TNR: variants seen among roughly 807,000 people sequenced by gnomAD.
TNR encodes the protein tenascin-R.
In TNR, 45 loss-of-function variants were observed where a neutral mutation model predicts 150.4. That is an observed-to-expected ratio of 0.30 (90% CI 0.24 to 0.38). The LOEUF is 0.38. Ranked by LOEUF, TNR falls within the 10% of genes least tolerant of loss-of-function variation. The pLI is 1.00. For synonymous variants in TNR, 687 were observed against 678.4 expected (o/e 1.01, Z -0.20); for missense variants, 1,544 against 1,759.1 (o/e 0.88, Z 2.19).
At chr1:175,546,926 G>A (rs1004969581) in intron 1 of TNR, among the ~76,000 whole-genome samples, 2 of 152,178 alleles carry the variant, frequency 1.3e-5, no homozygotes, top group Admixed American at 1.3e-4. Context: ...TCCCAGATAA[G>A]GAACTGGAGG....
At chr1:175,604,523 G>T (rs765622007) in intron 1 of TNR, among the ~76,000 whole-genome samples, 10 of 152,186 alleles carry the variant, frequency 6.6e-5, no homozygotes, top group Non-Finnish European at 1.3e-4. Flanking sequence ...ATAAAGAAAA[G>T]CTCACTTCCT....
intron 1 of TNR, among the ~76,000 whole-genome samples, chr1:175,675,360 T>C (rs1257336815): frequency 2.0e-5 from 3 of 152,214 alleles, no homozygotes; most frequent in African/African-American, 7.2e-5. Flanking sequence ...GTGGGCCCCG[T>C]AACCCTTTGT....
Position 175,362,704 on chromosome 1 carries a change from C to A in TNR, c.2813G>T (p.Gly938Val). 2.1e-5 allele frequency: 34 copies of A among 1,614,148 alleles called. No individual in the cohort carries two copies. The highest frequency in any genetic ancestry group is 2.8e-5 in the Non-Finnish European group (33 of 1,180,008). ...ACAGATGCGCTCGCTTTCCTCCCTG[C>A]CCCGCACGCTGTTGAGGCTGATTTC... ...EYEISLNSVRGREESERICTL... is the reference protein window; with the variant it reads ...EYEISLNSVRVREESERICTL... Residue 938 changes from glycine (G) to valine (V), a missense_variant, in exon 14 of 23, where the codon GGC (glycine) becomes GTC (valine). By Grantham distance (109) the Gly-to-Val change is moderately radical. This residue lies in a region of TNR where 1,254 missense variants were observed against 1,329.4 expected (regional missense o/e 0.94). Coordinates refer to ENST00000367674, the MANE Select transcript of TNR (RefSeq NM_003285.3).
In TNR at chr1:175,393,762, G is replaced by A. The variant is rs888276290; in HGVS notation, c.1356+18C>T. 3.2e-6 allele frequency: 5 copies of A among 1,583,184 alleles called. No homozygotes were observed. In the Admixed American group the frequency reaches 6.7e-5, roughly 21 times the overall value. ...ATTCCAAATAAGTCTGTTTGGCAGT[G>A]TAACAGGTGAGTGTTACCTTTGGAA... On this transcript the variant is annotated intron_variant, in intron 6 of 22. Transcript: ENST00000367674.
intron 1 of TNR, among the ~76,000 whole-genome samples, chr1:175,675,569 G>A (rs765159146): frequency 2.4e-4 from 37 of 152,342 alleles, no homozygotes; most frequent in Non-Finnish European, 4.9e-4. Context: ...GCAGAAGCAT[G>A]TAAGGTGTAC....
chr1:175,604,181 G>A (rs1232688127), intron 1 of TNR, among the ~76,000 whole-genome samples: 2 of 152,110 alleles, frequency 1.3e-5, no homozygotes, highest in African/African-American at 4.8e-5. Flanking sequence ...GAGGAGATGG[G>A]CCAAGGCAGG....
At chr1:175,521,742 C>T (rs1038251244) in intron 2 of TNR, among the ~76,000 whole-genome samples, 2 of 152,154 alleles carry the variant, frequency 1.3e-5, no homozygotes, top group African/African-American at 4.8e-5. Context: ...CAAGGCCCAG[C>T]TCAATGATTG....
At chr1:175,687,259 C>G (rs928395358) in intron 1 of TNR, among the ~76,000 whole-genome samples, 6 of 152,182 alleles carry the variant, frequency 3.9e-5, no homozygotes, top group Non-Finnish European at 7.3e-5. Flanking sequence ...TTTCCACTGA[C>G]AAGCACCATC....
intron 9 of TNR, among the ~76,000 whole-genome samples, chr1:175,367,687 T>A (rs1388297917): frequency 6.6e-6 from 1 of 152,144 alleles, no homozygotes; most frequent in East Asian, 1.9e-4. Context: ...AGAGAGACAG[T>A]GTGGACATAG....
intron 2 of TNR, among the ~76,000 whole-genome samples, chr1:175,416,129 T>TACACACACAC (rs3030909): frequency 2.0e-5 from 3 of 151,354 alleles, no homozygotes; most frequent in East Asian, 1.9e-4. Context: ...TATATATATA[T>TACACACACAC]ACACACACAC....
intron 3 of TNR, among the ~76,000 whole-genome samples, chr1:175,405,925 A>G (rs1378708259): frequency 6.6e-6 from 1 of 152,146 alleles, no homozygotes. Flanking sequence ...ATGAACCATT[A>G]CCTGACTCAT....
At chr1:175,524,056 C>T (rs542674968) in intron 2 of TNR, among the ~76,000 whole-genome samples, 1 of 152,096 alleles carries the variant, frequency 6.6e-6, no homozygotes, top group Non-Finnish European at 1.5e-5. Flanking sequence ...ACTCCTTTGA[C>T]AATTTCCTTG....
intron 1 of TNR, among the ~76,000 whole-genome samples, chr1:175,530,817 A>C (rs922179487): frequency 2.0e-5 from 3 of 151,810 alleles, no homozygotes; most frequent in Non-Finnish European, 4.4e-5. Flanking sequence ...CATGGAGTAC[A>C]TCCTTTTAGA....
chr1:175,454,658 G>C (rs941949393), intron 2 of TNR, among the ~76,000 whole-genome samples: 1 of 152,086 alleles, frequency 6.6e-6, no homozygotes, highest in Admixed American at 6.5e-5. Flanking sequence ...TTTTAGTAGA[G>C]ACGGGGTTTC....
At chr1:175,696,142 T>G (rs533644619) in intron 1 of TNR, among the ~76,000 whole-genome samples, 70 of 151,258 alleles carry the variant, frequency 4.6e-4, no homozygotes, top group Non-Finnish European at 8.6e-4. Flanking sequence ...AATCTGTAGC[T>G]AAACATGAAT....
chr1:175,441,401 T>C (rs1347720931), intron 2 of TNR, among the ~76,000 whole-genome samples: 4 of 152,212 alleles, frequency 2.6e-5, no homozygotes, highest in African/African-American at 4.8e-5. Context: ...AGTGTATGCA[T>C]ATAGTGTATT....
At position 175,416,826 on chromosome 1, in the gene TNR, G is replaced by A. The variant is rs537242211; in HGVS notation, c.-63-10049C>T. On this transcript the variant is annotated intron_variant, in intron 2 of 22. Transcript: ENST00000367674. ...GATCGAGACTGTCCTGGTTAACACC[G>A]GGAAACCCCGTCTCTACTAAAAATA... Among the ~76,000 whole-genome samples, 134 of 152,190 alleles carry A rather than the reference G, an allele frequency of 8.8e-4. No individual in the cohort carries two copies. In the Middle Eastern group the frequency reaches 0.014, roughly 15 times the overall value.
intron 21 of TNR, among the ~76,000 whole-genome samples, chr1:175,326,141 G>T (rs2101980100): frequency 6.6e-6 from 1 of 152,278 alleles, no homozygotes. Context: ...GGGCAAACAG[G>T]CTGCGTGTTC....
At chr1:175,713,426 C>T (rs1437853961) in intron 1 of TNR, among the ~76,000 whole-genome samples, 2 of 152,070 alleles carry the variant, frequency 1.3e-5, no homozygotes, top group African/African-American at 4.8e-5. Context: ...GTTGAATAAG[C>T]TGACTAAATC....
Sources: allele counts gnomAD v4.1 joint callset (sites outside exome capture counted in the v4.1 genomes callset), GRCh38; gene constraint gnomAD v4.1.1; regional missense constraint gnomAD v4.1.1; transcripts MANE v1.5; gene names NCBI Gene and HGNC (gene_info 2026-07-23, HGNC 2026-07-21).